The following TSPAN5 variants were observed in gnomAD, a reference collection of about 807,000 sequenced individuals.
The protein encoded by TSPAN5 is tetraspanin-5.
A neutral mutation model predicts 37.1 loss-of-function variants in TSPAN5; 10 were observed. The observed-to-expected ratio is 0.27, with a 90% confidence interval of 0.17 to 0.46. TSPAN5 has a LOEUF of 0.46. Among genes scored for constraint, TSPAN5 ranks in the 20% least tolerant of loss-of-function variants. The probability of loss-of-function intolerance (pLI) is 1.00; values close to 1 mark genes in which losing one functional copy is unlikely to be tolerated. For synonymous variants in TSPAN5, 110 were observed against 118.9 expected, an observed-to-expected ratio of 0.93 and a Z score of 0.48; for missense variants, 195 against 326.6, an observed-to-expected ratio of 0.60 and a Z score of 3.11.
chr4:98,485,006 G>A (rs1274881978), intron 3 of TSPAN5: 4 of 161,826 alleles, frequency 2.5e-5, no homozygotes, highest in South Asian at 1.7e-4. Flanking sequence ...CCAGCTACCC[G>A]GGAGGCTGAG....
chr4:98,491,274 G>A (rs758628583), intron 2 of TSPAN5, among the ~76,000 whole-genome samples: 9 of 152,162 alleles, frequency 5.9e-5, no homozygotes, highest in Non-Finnish European at 8.8e-5. Context: ...CACAAGAAGT[G>A]AATGTGGAAG....
intron 7 of TSPAN5, among the ~76,000 whole-genome samples, chr4:98,474,046 T>C (rs542799347): frequency 6.6e-6 from 1 of 152,380 alleles, no homozygotes; most frequent in Non-Finnish European, 1.5e-5. Flanking sequence ...TTTTAAATTT[T>C]GAAGTCCAAT....
chr4:98,482,397 C>A, intron 3 of TSPAN5: 1 of 385,732 alleles, frequency 2.6e-6, no homozygotes, highest in Non-Finnish European at 4.6e-6. Flanking sequence ...CTCTAGTGTT[C>A]CATTTGATAA....
intron 1 of TSPAN5, among the ~76,000 whole-genome samples, chr4:98,542,000 G>A (rs868636746): frequency 3.9e-5 from 6 of 152,086 alleles, no homozygotes; most frequent in Non-Finnish European, 5.9e-5. Flanking sequence ...CATTTCCTTC[G>A]CAAAACATAT....
At chr4:98,549,724 T>G (rs545537419) in intron 1 of TSPAN5, among the ~76,000 whole-genome samples, 36 of 152,192 alleles carry the variant, frequency 2.4e-4, no homozygotes, top group South Asian at 6.2e-4. Context: ...CACTTTTTAA[T>G]GGGGTTCTTT....
intron 1 of TSPAN5, among the ~76,000 whole-genome samples, chr4:98,622,744 T>A (rs1756508997): frequency 6.6e-6 from 1 of 152,130 alleles, no homozygotes. Flanking sequence ...GGAGTTAAAC[T>A]TTGAGACTCA....
chr4:98,475,034 T>G (rs1232522618), intron 7 of TSPAN5, among the ~76,000 whole-genome samples: 3 of 152,230 alleles, frequency 2.0e-5, no homozygotes, highest in African/African-American at 7.2e-5. Context: ...TGGCTAATCT[T>G]ACTCAAGTAC....
chr4:98,571,914 T>C (rs1755131846), intron 1 of TSPAN5, among the ~76,000 whole-genome samples: 2 of 152,262 alleles, frequency 1.3e-5, no homozygotes, highest in South Asian at 4.1e-4. Context: ...TACAGTCCGG[T>C]GGTGGAGAGA....
intron 1 of TSPAN5, among the ~76,000 whole-genome samples, chr4:98,591,856 C>G (rs1043367007): frequency 6.6e-6 from 1 of 152,056 alleles, no homozygotes; most frequent in Non-Finnish European, 1.5e-5. Context: ...TTTGCTAAAT[C>G]TTGACAAACT....
At chr4:98,572,625 G>A (rs11944636) in intron 1 of TSPAN5, among the ~76,000 whole-genome samples, 23,214 of 152,236 alleles carry the variant, frequency 0.15, 1,972 homozygotes, top group South Asian at 0.32. Flanking sequence ...AAAGAAAAAC[G>A]TTTATGCTTA....
At chr4:98,633,073 G>C (rs571610535) in intron 1 of TSPAN5, among the ~76,000 whole-genome samples, 3 of 152,124 alleles carry the variant, frequency 2.0e-5, no homozygotes, top group African/African-American at 7.2e-5. Context: ...GACTCATGAG[G>C]GCAAAGGGAG....
intron 1 of TSPAN5, among the ~76,000 whole-genome samples, chr4:98,578,946 A>G (rs1439951915): frequency 6.6e-6 from 1 of 152,038 alleles, no homozygotes; most frequent in African/African-American, 2.4e-5. Context: ...ACAATGATCT[A>G]TTTTTTACCT....
At chr4:98,637,913 G>A (rs1756890333) in intron 1 of TSPAN5, among the ~76,000 whole-genome samples, 1 of 152,162 alleles carries the variant, frequency 6.6e-6, no homozygotes, top group South Asian at 2.1e-4. Context: ...GTCCAACAGT[G>A]CTGAAAGGTG....
chr4:98,545,057 G>A (rs368368771), intron 1 of TSPAN5, among the ~76,000 whole-genome samples: 45 of 152,258 alleles, frequency 3.0e-4, no homozygotes, highest in African/African-American at 9.4e-4. Context: ...TCATGGCTCC[G>A]TGACCGACAG....
At chr4:98,653,644 T>G (rs936264901) in intron 1 of TSPAN5, among the ~76,000 whole-genome samples, 2 of 152,196 alleles carry the variant, frequency 1.3e-5, no homozygotes, top group Non-Finnish European at 2.9e-5. Flanking sequence ...TATAGCCCTG[T>G]ATGGAACCAG....
chr4:98,615,965 A>G (rs1456923274), intron 1 of TSPAN5, among the ~76,000 whole-genome samples: 1 of 152,194 alleles, frequency 6.6e-6, no homozygotes, highest in Non-Finnish European at 1.5e-5. Flanking sequence ...AAGTGAAATC[A>G]AAAGGAAACA....
intron 1 of TSPAN5, among the ~76,000 whole-genome samples, chr4:98,609,616 A>T (rs1281951420): frequency 6.6e-6 from 1 of 152,212 alleles, no homozygotes; most frequent in Non-Finnish European, 1.5e-5. Context: ...GTCCAGGTGC[A>T]GGTCTACTCT....
chr4:98,534,888 A>G (rs1286661927), intron 1 of TSPAN5, among the ~76,000 whole-genome samples: 1 of 152,052 alleles, frequency 6.6e-6, no homozygotes, highest in East Asian at 1.9e-4. Context: ...TGCTTGGTAA[A>G]TATTCCTCCA....
At chr4:98,564,013 G>C (rs1029228438) in intron 1 of TSPAN5, among the ~76,000 whole-genome samples, 4 of 152,208 alleles carry the variant, frequency 2.6e-5, no homozygotes, top group African/African-American at 9.7e-5. Context: ...CCTAGAACCA[G>C]TAAGTACTTT....
Sources: gnomAD v4.1 joint callset for allele counts (sites outside exome capture counted in the v4.1 genomes callset) on GRCh38, gnomAD v4.1.1 for gene constraint, MANE v1.5 for transcripts, NCBI Gene and HGNC (gene_info 2026-07-23, HGNC 2026-07-21) for gene names.